Variants in PTCH1 observed in about 807,000 individuals in gnomAD.
PTCH1 encodes the protein patched 1.
In PTCH1, 14 loss-of-function variants were observed where a neutral mutation model predicts 144.6. The ratio of observed to expected loss-of-function variants is 0.10; its 90% CI spans 0.06 to 0.15. PTCH1 has a LOEUF of 0.15. Ranked by LOEUF, PTCH1 falls within the 10% of genes least tolerant of loss-of-function variation. PTCH1 has a pLI of 1.00. For synonymous variants in PTCH1, 833 were observed against 793.6 expected (o/e 1.05, Z -0.83); for missense variants, 1,623 against 1,948.3 (o/e 0.83, Z 3.14).
Position 95,459,794 on chromosome 9 carries a change from G to A in PTCH1, c.2704-11C>T, listed in dbSNP as rs779097397. Reference sequence around the variant, plus strand: ...ACGCTGTTTAGTCAACTACAAAAACGGGAAGAACAGAGGCCTTTGAGAATG... The same window carrying A: ...ACGCTGTTTAGTCAACTACAAAAACAGGAAGAACAGAGGCCTTTGAGAATG... On this transcript the variant is annotated splice_polypyrimidine_tract_variant and intron_variant, in intron 16 of 23. Coordinates refer to ENST00000331920, the MANE Select transcript of PTCH1 (RefSeq NM_000264.5). 2.1e-5 allele frequency: 34 copies of A among 1,613,656 alleles called. No homozygotes were observed. The highest frequency in any genetic ancestry group is 1.3e-4 in the Admixed American group (8 of 60,002).
intron 15 of PTCH1, among the ~76,000 whole-genome samples, chr9:95,463,081 G>C (rs1269649939): frequency 7.1e-6 from 1 of 141,580 alleles, no homozygotes; most frequent in East Asian, 2.2e-4. Flanking sequence ...TTTTGAACAA[G>C]CTGTACATGT....
intron 18 of PTCH1, among the ~76,000 whole-genome samples, chr9:95,457,656 G>T (rs1043035614): frequency 6.6e-6 from 1 of 152,228 alleles, no homozygotes; most frequent in East Asian, 1.9e-4. Context: ...CTGCTATGTC[G>T]TTATTAGGCC....
At position 95,446,975 on chromosome 9, in the gene PTCH1, C is replaced by T. The variant is rs767698482; in HGVS notation, c.4281G>A (p.Val1427=). The part of the protein sequence containing the change: ...HVRCERRDSK[V]EVIELQDVEC... ...CCACGTCCTGCAGCTCAATGACTTCCACCTTCGAATCCCTCCTCTCACACC... is the reference window on the plus strand; with the variant it reads ...CCACGTCCTGCAGCTCAATGACTTCTACCTTCGAATCCCTCCTCTCACACC... Residue 1427 remains valine, a synonymous_variant, in exon 23 of 24, where the codon GTG becomes GTA. Transcript: ENST00000331920. 37 of 1,614,108 alleles carry T rather than the reference C, an allele frequency of 2.3e-5. No homozygotes were observed. The highest frequency in any genetic ancestry group is 6.7e-5 in the African/African-American group (5 of 74,934).
chr9:95,493,132 A>G (rs1842542658), intron 2 of PTCH1, among the ~76,000 whole-genome samples: 1 of 152,244 alleles, frequency 6.6e-6, no homozygotes, highest in African/African-American at 2.4e-5. Context: ...GTGGGATGCC[A>G]GCTGACCCAG....
chr9:95,453,703 C>A, intron 19 of PTCH1, 83 bp from the exon 20 acceptor site: 1 of 1,555,410 alleles, frequency 6.4e-7, no homozygotes. Context: ...GTTACAAGCT[C>A]TCAGAACTGC....
Position 95,516,816 on chromosome 9 carries a change from TC to T in PTCH1, c.-346del, listed in dbSNP as rs752765582. The stretch of plus-strand genomic sequence containing the variant: ...TACAAGCCTGTTTCTATTAAGCAGT[TC>T]CATGGCCCTCGGCGTGGGTGGTCTG... On this transcript the variant is annotated 5_prime_UTR_variant, in exon 1 of 23. Coordinates refer to the PTCH1 transcript ENST00000430669. 4.7e-5 allele frequency: 76 copies of T among 1,600,974 alleles called. No individual in the cohort carries two copies. The highest frequency in any genetic ancestry group is 5.2e-5 in the Non-Finnish European group (61 of 1,175,628).
chr9:95,444,933 C>CA lies in PTCH1; in HGVS notation c.*1459dup, dbSNP rs375923318. 1.8e-4 allele frequency: 27 copies of CA among 152,364 alleles called. No homozygotes were observed. The highest frequency in any genetic ancestry group is 6.5e-4 in the African/African-American group (27 of 41,568). The allele number at this position is 152,364 out of a possible 1,614,324, so 9.4% of individuals were successfully genotyped here. Reference sequence around the variant, plus strand: ...GAGACCTGCCCCTGCCTACATCTTTCAGTGGGGTGTGTCCATCCTCCTGCT... The same window carrying CA: ...GAGACCTGCCCCTGCCTACATCTTTCAAGTGGGGTGTGTCCATCCTCCTGCT... On this transcript the variant is annotated 3_prime_UTR_variant, in exon 24 of 24. Coordinates refer to ENST00000331920, the MANE Select transcript of PTCH1 (RefSeq NM_000264.5).
At position 95,476,249 on chromosome 9, in the gene PTCH1, C is replaced by CA; in HGVS notation, c.1603-91dup. 6.5e-7 allele frequency: 1 copy of CA among 1,528,268 alleles called. No homozygotes were observed. Among genetic ancestry groups the CA allele is most frequent in the South Asian group, 1.2e-5 (1 of 84,176 alleles). The allele number at this position is 1,528,268 out of a possible 1,614,324, so 94.7% of individuals were successfully genotyped here. ...TGTGAGCAGATACGTGGCAGAATAA[C>CA]ACAACTGTTATTACAGCTTATCATG... is the stretch of plus-strand genomic sequence containing the variant. On this transcript the variant is annotated intron_variant, in intron 11 of 23. Coordinates refer to ENST00000331920, the MANE Select transcript of PTCH1 (RefSeq NM_000264.5). The surrounding 1 kb of genome is among the most constrained non-coding windows in gnomAD (Gnocchi z 4.6).
intron 16 of PTCH1, 124 bp from the exon 17 acceptor site, chr9:95,459,907 G>C (rs1346594610): frequency 1.7e-5 from 18 of 1,051,114 alleles, no homozygotes; most frequent in South Asian, 1.1e-4. Context: ...GCCTACTGTT[G>C]AAAGTGTCGA....
In PTCH1 at chr9:95,481,499, T is replaced by G. The variant is rs545761789; in HGVS notation, c.746+450A>C. On this transcript the variant is annotated intron_variant, in intron 5 of 23. Transcript: ENST00000331920. The stretch of plus-strand genomic sequence containing the variant: ...ACAGATAGTGGATTTCCCCCTTAAA[T>G]GCCATTAGTGTGATCTAAAGAAAGG... Among the ~76,000 whole-genome samples, 14 of 152,350 alleles carry G rather than the reference T, an allele frequency of 9.2e-5. No homozygotes were observed. In the South Asian group the frequency reaches 1.0e-3, roughly 11 times the overall value.
chr9:95,484,121 A>G (rs560244060), intron 3 of PTCH1: 77 of 152,330 alleles, frequency 5.1e-4, no homozygotes, highest in African/African-American at 1.8e-3. Context: ...ACAGACCCTC[A>G]CATCTTCTCC....
At chr9:95,496,840 T>C (rs1239850582) in intron 2 of PTCH1, among the ~76,000 whole-genome samples, 2 of 152,250 alleles carry the variant, frequency 1.3e-5, no homozygotes, top group Non-Finnish European at 2.9e-5. Context: ...TTAGAAAGCC[T>C]CTATTTAAAA....
Position 95,506,522 on chromosome 9 carries a change from G to A in PTCH1, c.279C>T (p.Tyr93=), listed in dbSNP as rs142340833. 6.2e-7 allele frequency: 1 copy of A among 1,613,620 alleles called. No individual in the cohort carries two copies. The highest frequency in any genetic ancestry group is 8.5e-7 in the Non-Finnish European group (1 of 1,179,802). Residue 93 remains tyrosine, a synonymous_variant, in exon 2 of 24, where the codon TAC becomes TAT. Transcript: ENST00000331920. ...FQRLLFKLGC[Y]IQKNCGKFLV... ...AGAACTTGCCGCAGTTTTTTTGAAT[G>A]TAACAACCCAGTTTAAATAAGAGTC...
At chr9:95,470,803 G>A (rs1010489882) in intron 12 of PTCH1, among the ~76,000 whole-genome samples, 3 of 152,114 alleles carry the variant, frequency 2.0e-5, no homozygotes, top group Non-Finnish European at 2.9e-5. Context: ...GGCCAGGCGC[G>A]GTGGCTCACG....
At chr9:95,453,376 C>T (rs934241843) in intron 20 of PTCH1, 102 bp downstream of exon 20, 20 of 1,553,178 alleles carry the variant, frequency 1.3e-5, no homozygotes, top group East Asian at 4.5e-5. Context: ...CTGATCCACC[C>T]GCCTCGGCCT....
rs572087404 is a variant in PTCH1, at chr9:95,456,032, C to A, written c.3306+244G>T. On this transcript the variant is annotated intron_variant, in intron 19 of 23. Transcript: ENST00000331920. ...GCCCTTCAAGGCCCACTCCAACACACCAACCCTGCACTGCCTACGGCTGAC... is the reference window on the plus strand; with the variant it reads ...GCCCTTCAAGGCCCACTCCAACACAACAACCCTGCACTGCCTACGGCTGAC... Among the ~76,000 whole-genome samples, 16 of 152,342 alleles carry A rather than the reference C, an allele frequency of 1.1e-4. No individual in the cohort carries two copies. In the South Asian group the frequency reaches 3.3e-3, roughly 32 times the overall value.
At chr9:95,489,263 T>C (rs1176291970) in intron 2 of PTCH1, among the ~76,000 whole-genome samples, 1 of 152,198 alleles carries the variant, frequency 6.6e-6, no homozygotes, top group African/African-American at 2.4e-5. Context: ...TCCCTAAGTG[T>C]GAAGCTTTGA....
At chr9:95,463,552 A>G (rs568057079) in intron 15 of PTCH1, among the ~76,000 whole-genome samples, 1 of 152,338 alleles carries the variant, frequency 6.6e-6, no homozygotes, top group East Asian at 1.9e-4. Flanking sequence ...TTTCCCCTCA[A>G]AAAGGGAGGC....
Position 95,449,454 on chromosome 9 carries a change from A to C in PTCH1, c.3550-131T>G, listed in dbSNP as rs890690213. On this transcript the variant is annotated intron_variant, in intron 21 of 23. Transcript: ENST00000331920. This position sits in a 1 kb window ranked among gnomAD's most constrained non-coding sequence, Gnocchi z 5.3. ...GGGGCCCTGCGCACTGTGCCGTATT[A>C]ACCTCCCCTTCTCTACCACCTGGAG... 3.0e-6 allele frequency: 4 copies of C among 1,311,986 alleles called. No homozygotes were observed. The African/African-American group carries it at 5.9e-5, about 19-fold the overall frequency. The allele number at this position is 1,311,986 out of a possible 1,614,324, so 81.3% of individuals were successfully genotyped here. A position where few individuals can be genotyped will look rare whatever the true frequency, so the allele number is the denominator to read the frequency against.
Sources: allele counts gnomAD v4.1 joint callset (sites outside exome capture counted in the v4.1 genomes callset), GRCh38; gene constraint gnomAD v4.1.1; non-coding constraint Gnocchi (gnomAD v3.1); transcripts MANE v1.5; gene names NCBI Gene and HGNC (gene_info 2026-07-23, HGNC 2026-07-21).